B3GALT1: variants seen among roughly 807,000 people sequenced by gnomAD.
B3GALT1 encodes beta-1,3-galactosyltransferase 1.
Under a neutral mutation model 23.2 loss-of-function variants are expected in B3GALT1, and 10 were observed. That is an observed-to-expected ratio of 0.43 (90% confidence interval 0.27 to 0.73). B3GALT1 has a LOEUF of 0.73. B3GALT1 is among the 30% of genes least tolerant of loss of function. The probability of loss-of-function intolerance (pLI) is 0.21; values close to 1 mark genes in which losing one functional copy is unlikely to be tolerated. For synonymous variants in B3GALT1, 156 were observed against 141.5 expected (o/e 1.10, Z -0.73); for missense variants, 299 against 405.4 (o/e 0.74, Z 2.25).
At chr2:167,527,130 T>C (rs989436168) in intron 2 of B3GALT1, among the ~76,000 whole-genome samples, 1 of 152,174 alleles carries the variant, frequency 6.6e-6, no homozygotes, top group Non-Finnish European at 1.5e-5. Flanking sequence ...TCCTACTTTT[T>C]CTTTTTTCCT....
chr2:167,459,772 C>G (rs1429038930), intron 1 of B3GALT1, among the ~76,000 whole-genome samples: 1 of 152,154 alleles, frequency 6.6e-6, no homozygotes, highest in East Asian at 1.9e-4. Context: ...TTGAACGTTT[C>G]TTGCAGAGCA....
intron 1 of B3GALT1, among the ~76,000 whole-genome samples, chr2:167,460,833 T>G (rs1409362962): frequency 6.6e-6 from 1 of 152,218 alleles, no homozygotes; most frequent in Admixed American, 6.5e-5. Context: ...AGTACTAAAC[T>G]GAAGTGTAAA....
At chr2:167,510,413 T>G (rs542289645) in intron 2 of B3GALT1, among the ~76,000 whole-genome samples, 2,137 of 150,838 alleles carry the variant, frequency 0.014, 14 homozygotes, top group Non-Finnish European at 0.015. Context: ...TTTTGTTTTT[T>G]TTTTTTTTTT....
intron 2 of B3GALT1, among the ~76,000 whole-genome samples, chr2:167,599,961 A>G (rs1041278486): frequency 1.3e-5 from 2 of 152,200 alleles, no homozygotes; most frequent in African/African-American, 2.4e-5. Context: ...AACATTTATC[A>G]TATTTTTATC....
chr2:167,304,737 C>G (rs1488166890), intron 1 of B3GALT1, among the ~76,000 whole-genome samples: 1 of 151,930 alleles, frequency 6.6e-6, no homozygotes, highest in African/African-American at 2.4e-5. Context: ...GAGAGAGATT[C>G]TAAGAATTGG....
chr2:167,424,548 A>AGT (rs68095904), intron 1 of B3GALT1, among the ~76,000 whole-genome samples: 10 of 151,388 alleles, frequency 6.6e-5, no homozygotes, highest in South Asian at 2.1e-4. Flanking sequence ...TCTCTACATT[A>AGT]GTGTGTGTGT....
At chr2:167,865,594 C>A (rs1021437551) in intron 4 of B3GALT1, among the ~76,000 whole-genome samples, 20 of 152,038 alleles carry the variant, frequency 1.3e-4, no homozygotes, top group Non-Finnish European at 2.2e-4. Context: ...GATCGAGACC[C>A]TCCTGGCTAA....
intron 3 of B3GALT1, among the ~76,000 whole-genome samples, chr2:167,688,819 C>T (rs995029727): frequency 5.9e-5 from 9 of 152,008 alleles, no homozygotes; most frequent in Non-Finnish European, 1.2e-4. Context: ...GAGCAAAACC[C>T]CAAATAGGAT....
chr2:167,664,230 A>G (rs1015346128), intron 3 of B3GALT1, among the ~76,000 whole-genome samples: 1 of 150,824 alleles, frequency 6.6e-6, no homozygotes, highest in Admixed American at 6.6e-5. Context: ...TCCTTTCCCC[A>G]TTGCTTGTTT....
chr2:167,331,125 G>C (rs567596010), intron 1 of B3GALT1, among the ~76,000 whole-genome samples: 1 of 152,208 alleles, frequency 6.6e-6, no homozygotes, highest in Non-Finnish European at 1.5e-5. Flanking sequence ...CCTCAGAAGG[G>C]TCTATGATTT....
At chr2:167,451,124 A>G (rs77698223) in intron 1 of B3GALT1, among the ~76,000 whole-genome samples, 33 of 152,044 alleles carry the variant, frequency 2.2e-4, no homozygotes, top group Non-Finnish European at 4.4e-4. Flanking sequence ...ATTTCCTTGA[A>G]GTGGACTTCA....
chr2:167,314,603 T>C (rs1473552492), intron 1 of B3GALT1, among the ~76,000 whole-genome samples: 1 of 152,214 alleles, frequency 6.6e-6, no homozygotes, highest in Non-Finnish European at 1.5e-5. Flanking sequence ...TTATTTACCA[T>C]TTTAAATTAG....
intron 1 of B3GALT1, among the ~76,000 whole-genome samples, chr2:167,345,182 A>G (rs1001195391): frequency 1.3e-5 from 2 of 151,912 alleles, no homozygotes; most frequent in Admixed American, 1.3e-4. Flanking sequence ...CCTTACAAGC[A>G]TCTCTCAGAA....
intron 4 of B3GALT1, among the ~76,000 whole-genome samples, chr2:167,854,043 T>C (rs1689954552): frequency 6.6e-6 from 1 of 152,200 alleles, no homozygotes; most frequent in African/African-American, 2.4e-5. Flanking sequence ...TAAGTAGCAT[T>C]TTCCAGGATG....
At chr2:167,771,612 C>T (rs1352836020) in intron 3 of B3GALT1, among the ~76,000 whole-genome samples, 1 of 152,158 alleles carries the variant, frequency 6.6e-6, no homozygotes, top group African/African-American at 2.4e-5. Context: ...TCAAGTATCT[C>T]TGGTTTAGAA....
intron 3 of B3GALT1, among the ~76,000 whole-genome samples, chr2:167,751,037 C>T (rs1174528697): frequency 1.3e-5 from 2 of 152,150 alleles, no homozygotes; most frequent in Non-Finnish European, 2.9e-5. Context: ...GCTGTTGCTG[C>T]AAGAAAACAG....
intron 2 of B3GALT1, among the ~76,000 whole-genome samples, chr2:167,520,831 G>A (rs190204766): frequency 2.6e-5 from 4 of 152,234 alleles, no homozygotes; most frequent in Admixed American, 1.3e-4. Context: ...GGGAGCAATG[G>A]GTTGGCACCC....
intron 4 of B3GALT1, among the ~76,000 whole-genome samples, chr2:167,828,279 G>A (rs1045759122): frequency 5.9e-5 from 9 of 152,110 alleles, no homozygotes; most frequent in Admixed American, 2.0e-4. Context: ...TCTACCTGCC[G>A]TCCCATAAAT....
intron 3 of B3GALT1, among the ~76,000 whole-genome samples, chr2:167,808,859 G>A (rs1404644486): frequency 6.6e-6 from 1 of 152,160 alleles, no homozygotes; most frequent in East Asian, 1.9e-4. Flanking sequence ...AGCTCTCCTG[G>A]ATAATATCCT....
Sources: allele counts gnomAD v4.1 joint callset (sites outside exome capture counted in the v4.1 genomes callset), GRCh38; gene constraint gnomAD v4.1.1; transcripts MANE v1.5; gene names NCBI Gene and HGNC (gene_info 2026-07-23, HGNC 2026-07-21).